THSD7A: variants seen among roughly 807,000 people sequenced by gnomAD.
The protein encoded by THSD7A is thrombospondin type 1 domain containing 7A.
In THSD7A, 96 loss-of-function variants were observed where a neutral mutation model predicts 231.3. The ratio of observed to expected loss-of-function variants is 0.41; its 90% CI spans 0.35 to 0.49. The LOEUF is 0.49. Ranked by LOEUF, THSD7A falls within the 20% of genes least tolerant of loss-of-function variation. THSD7A has a pLI of 0.05. For synonymous variants in THSD7A, 940 were observed against 743.3 expected, an observed-to-expected ratio of 1.26 and a Z score of -4.30; for missense variants, 2,290 against 2,070.2, an observed-to-expected ratio of 1.11 and a Z score of -2.06.
chr7:11,599,718 G>A (rs940163305), intron 2 of THSD7A, among the ~76,000 whole-genome samples: 7 of 152,156 alleles, frequency 4.6e-5, no homozygotes, highest in African/African-American at 1.7e-4. Context: ...GGTTCAAGTT[G>A]ACAAGGGGTG....
At chr7:11,771,003 G>A (rs1281947427) in intron 1 of THSD7A, among the ~76,000 whole-genome samples, 1 of 150,996 alleles carries the variant, frequency 6.6e-6, no homozygotes, top group Non-Finnish European at 1.5e-5. Context: ...TAGAAGACTA[G>A]AAAAAGATAA....
chr7:11,689,852 A>G (rs1224991811), intron 1 of THSD7A, among the ~76,000 whole-genome samples: 1 of 151,306 alleles, frequency 6.6e-6, no homozygotes, highest in Admixed American at 6.6e-5. Flanking sequence ...AAAGACCACA[A>G]AGCATTTCTG....
intron 1 of THSD7A, among the ~76,000 whole-genome samples, chr7:11,808,789 T>A (rs981812855): frequency 1.3e-5 from 2 of 152,046 alleles, no homozygotes; most frequent in Non-Finnish European, 2.9e-5. Flanking sequence ...AGGACTGAAT[T>A]TTAAGGAATG....
chr7:11,535,678 A>T (rs1788885936), intron 6 of THSD7A, among the ~76,000 whole-genome samples: 1 of 152,090 alleles, frequency 6.6e-6, no homozygotes, highest in African/African-American at 2.4e-5. Flanking sequence ...AAAACGATTC[A>T]GTTATAGGAT....
intron 1 of THSD7A, among the ~76,000 whole-genome samples, chr7:11,754,568 T>C (rs1282480912): frequency 3.3e-5 from 5 of 152,138 alleles, no homozygotes; most frequent in African/African-American, 1.2e-4. Flanking sequence ...CTTTTCTTAA[T>C]GTACTTTTAT....
intron 1 of THSD7A, among the ~76,000 whole-genome samples, chr7:11,710,617 A>G (rs1173426339): frequency 6.6e-6 from 1 of 150,864 alleles, no homozygotes; most frequent in Non-Finnish European, 1.5e-5. Flanking sequence ...TCTAATGCAG[A>G]GGGACTCTGC....
rs1780126739 is a variant in THSD7A at position 11,590,668 on chromosome 7, C to A, written c.1272-27G>T. 2 of 1,573,426 alleles carry A rather than the reference C, an allele frequency of 1.3e-6. No homozygotes were observed. Among genetic ancestry groups the A allele is most frequent in the Non-Finnish European group, 1.7e-6 (2 of 1,160,662 alleles). The stretch of plus-strand genomic sequence containing the variant: ...TAAATAAAGACAACACCACCAGCAG[C>A]AACCATAATTATTGAATGACGTGTT... On this transcript the variant is annotated intron_variant, in intron 3 of 27. Transcript: ENST00000423059. The surrounding 1 kb of genome is among the most constrained non-coding windows in gnomAD (Gnocchi z 4.4).
At chr7:11,821,480 G>C (rs1784872040) in intron 1 of THSD7A, among the ~76,000 whole-genome samples, 1 of 151,252 alleles carries the variant, frequency 6.6e-6, no homozygotes, top group Non-Finnish European at 1.5e-5. Flanking sequence ...TCTTAAAAGA[G>C]AAAACAGAAC....
At chr7:11,658,010 G>C (rs980657716) in intron 1 of THSD7A, among the ~76,000 whole-genome samples, 1 of 151,710 alleles carries the variant, frequency 6.6e-6, no homozygotes, top group African/African-American at 2.4e-5. Context: ...AGCAATGAAA[G>C]TCAAGTACTA....
Position 11,820,594 on chromosome 7 carries a change from C to T in THSD7A, c.190+11163G>A, listed in dbSNP as rs569242492. 14 of 730,766 alleles carry T rather than the reference C, an allele frequency of 1.9e-5. No individual in the cohort carries two copies. In the African/African-American group the frequency reaches 2.5e-4, roughly 13 times the overall value. 45.3% of individuals were successfully genotyped at this position (730,766 alleles called of 1,614,324 possible). A position where few individuals can be genotyped will look rare whatever the true frequency, so the allele number is the denominator to read the frequency against. ...TTGTTCCCAGAGTAGTTGCCTCTGT[C>T]CTGGCCTCTTCCTCTGGCTTGAAAT... On this transcript the variant is annotated intron_variant, in intron 1 of 27. Coordinates refer to ENST00000423059, the MANE Select transcript of THSD7A (RefSeq NM_015204.3).
chr7:11,624,514 G>A (rs1423542475), intron 2 of THSD7A, among the ~76,000 whole-genome samples: 1 of 152,032 alleles, frequency 6.6e-6, no homozygotes, highest in Non-Finnish European at 1.5e-5. Context: ...GTTTGACTTG[G>A]AATGCTCAGT....
At chr7:11,403,792 T>C (rs1032883800) in intron 22 of THSD7A, among the ~76,000 whole-genome samples, 1 of 152,230 alleles carries the variant, frequency 6.6e-6, no homozygotes, top group Non-Finnish European at 1.5e-5. Flanking sequence ...GAGAGTGAGA[T>C]ACTCCCTTGT....
At chr7:11,439,918 T>C (rs1187000592) in intron 13 of THSD7A, among the ~76,000 whole-genome samples, 1 of 152,090 alleles carries the variant, frequency 6.6e-6, no homozygotes, top group Non-Finnish European at 1.5e-5. Context: ...TTTTTCAATG[T>C]AGATGAAACA....
At chr7:11,769,153 A>ATATATTTTTTTTT in intron 1 of THSD7A, among the ~76,000 whole-genome samples, 2 of 27,648 alleles carry the variant, frequency 7.2e-5, no homozygotes, top group Non-Finnish European at 7.0e-5. Context: ...ATATATATAT[A>ATATATTTTTTTTT]TTTTTTTTTT....
chr7:11,379,392 C>T (rs1782417732), intron 25 of THSD7A, 112 bp from the exon 26 acceptor site: 2 of 1,017,446 alleles, frequency 2.0e-6, no homozygotes, highest in Non-Finnish European at 2.9e-6. Flanking sequence ...AATTACTATA[C>T]ATAATTCCTC....
intron 6 of THSD7A, among the ~76,000 whole-genome samples, chr7:11,517,777 C>G (rs1478609144): frequency 6.6e-6 from 1 of 152,208 alleles, no homozygotes; most frequent in Non-Finnish European, 1.5e-5. Flanking sequence ...AACTGACAGA[C>G]ATATTATCTC....
At chr7:11,752,144 T>C (rs1328038387) in intron 1 of THSD7A, among the ~76,000 whole-genome samples, 2 of 152,078 alleles carry the variant, frequency 1.3e-5, no homozygotes, top group Non-Finnish European at 2.9e-5. Flanking sequence ...ATGAGGCACC[T>C]ATGGCCTTGT....
intron 4 of THSD7A, among the ~76,000 whole-genome samples, chr7:11,584,504 C>T (rs771696730): frequency 4.4e-4 from 67 of 151,622 alleles, no homozygotes; most frequent in African/African-American, 4.4e-4. Context: ...GCTGTTTTTT[C>T]GTGTAAGCTA....
intron 4 of THSD7A, among the ~76,000 whole-genome samples, chr7:11,556,945 G>T (rs1399508851): frequency 6.6e-6 from 1 of 151,848 alleles, no homozygotes; most frequent in African/African-American, 2.4e-5. Flanking sequence ...TATTTCTTCA[G>T]GTTTAACTTA....
Sources: gnomAD v4.1 joint callset for allele counts (sites outside exome capture counted in the v4.1 genomes callset) on GRCh38, gnomAD v4.1.1 for gene constraint, Gnocchi (gnomAD v3.1) non-coding constraint, MANE v1.5 for transcripts, NCBI Gene and HGNC (gene_info 2026-07-23, HGNC 2026-07-21) for gene names.